The following OR56A3 variants were observed in gnomAD, a reference collection of about 807,000 sequenced individuals.
OR56A3 encodes olfactory receptor 56A3.
A neutral mutation model predicts 17.5 loss-of-function variants in OR56A3; 23 were observed. The ratio of observed to expected loss-of-function variants is 1.32; its 90% CI spans 0.95 to 1.87. The LOEUF (loss-of-function observed/expected upper bound fraction) is 1.87, where lower values mean the gene tolerates loss of function less well. Among genes scored for constraint, OR56A3 ranks in the 40% most tolerant of loss-of-function variants. OR56A3 has a pLI of 0.00. For missense variants in OR56A3, 366 were observed against 380.1 expected (o/e 0.96, Z 0.31); for synonymous variants, 175 against 150.6 (o/e 1.16, Z -1.19).
chr11:5,975,380 C>A, the OR56A3 span, among the ~76,000 whole-genome samples: 1 of 131,272 alleles, frequency 7.6e-6, no homozygotes, highest in Non-Finnish European at 1.6e-5. Flanking sequence ...ACAACAGTCC[C>A]CAGTGTGTGA....
chr11:5,968,158 T>C, the OR56A3 span: 1 of 1,614,198 alleles, frequency 6.2e-7, no homozygotes, highest in Non-Finnish European at 8.5e-7. Flanking sequence ...CAGGACTCCA[T>C]AGTCAGAAAA....
the OR56A3 span, among the ~76,000 whole-genome samples, chr11:5,968,803 T>G: frequency 1.3e-5 from 2 of 152,104 alleles, no homozygotes; most frequent in South Asian, 4.2e-4. Context: ...AAATTCCAAA[T>G]TATACTGACA....
the OR56A3 span, chr11:5,994,600 G>T: frequency 1.3e-6 from 1 of 798,614 alleles, no homozygotes; most frequent in South Asian, 1.3e-5. Context: ...TGTCATCAAT[G>T]ACCTTGTGGA....
At chr11:5,960,513 G>A in the OR56A3 span, among the ~76,000 whole-genome samples, 1 of 152,194 alleles carries the variant, frequency 6.6e-6, no homozygotes, top group African/African-American at 2.4e-5. Context: ...TGCCAGCCTC[G>A]GCCTCCCGAG....
chr11:5,957,324 T>A, the OR56A3 span, among the ~76,000 whole-genome samples: 1 of 152,224 alleles, frequency 6.6e-6, no homozygotes, highest in Admixed American at 6.5e-5. Context: ...TATACATCAT[T>A]CCATGTGTCA....
chr11:5,960,173 T>A, the OR56A3 span, among the ~76,000 whole-genome samples: 1,042 of 152,298 alleles, frequency 6.8e-3, 12 homozygotes, highest in African/African-American at 0.024. Context: ...CATATGAATT[T>A]TAGAATTTTC....
the OR56A3 span, among the ~76,000 whole-genome samples, chr11:5,974,341 G>A: frequency 6.6e-6 from 1 of 151,982 alleles, no homozygotes; most frequent in African/African-American, 2.4e-5. Flanking sequence ...TCCTGACCTC[G>A]TGATCCGCCC....
At chr11:5,990,186 T>C in the OR56A3 span, among the ~76,000 whole-genome samples, 3 of 152,212 alleles carry the variant, frequency 2.0e-5, no homozygotes, top group African/African-American at 7.2e-5. Context: ...ATCCGGAATC[T>C]AGTGAGTAAT....
At chr11:5,974,351 C>T in the OR56A3 span, among the ~76,000 whole-genome samples, 1 of 152,028 alleles carries the variant, frequency 6.6e-6, no homozygotes, top group South Asian at 2.1e-4. Context: ...GTGATCCGCC[C>T]GCCTCGGCCT....
chr11:5,982,436 G>T, the OR56A3 span, among the ~76,000 whole-genome samples: 2 of 152,186 alleles, frequency 1.3e-5, no homozygotes, highest in Admixed American at 6.5e-5. Context: ...GGTGGAGTCT[G>T]CTAGTGAAGG....
the OR56A3 span, among the ~76,000 whole-genome samples, chr11:6,016,034 C>T: frequency 1.3e-5 from 2 of 152,052 alleles, no homozygotes; most frequent in East Asian, 3.9e-4. Flanking sequence ...ATTGTAATCT[C>T]CAATGTTGGA....
At chr11:6,008,737 C>G in the OR56A3 span, among the ~76,000 whole-genome samples, 6 of 152,074 alleles carry the variant, frequency 3.9e-5, no homozygotes, top group African/African-American at 1.4e-4. Context: ...TTACTAAGCC[C>G]TATACTACAT....
the OR56A3 span, among the ~76,000 whole-genome samples, chr11:5,961,879 A>T: frequency 6.6e-6 from 1 of 151,738 alleles, no homozygotes; most frequent in Non-Finnish European, 1.5e-5. Context: ...TCCAATTTGC[A>T]TGCCTTTTAT....
chr11:6,014,699 T>G, the OR56A3 span, among the ~76,000 whole-genome samples: 107,102 of 151,964 alleles, frequency 0.7, 38,027 homozygotes, highest in East Asian at 0.94. Flanking sequence ...GAAGATGAGG[T>G]AAAGTTTGGA....
At chr11:6,014,989 C>CAAAAAAAAAAAAAAAAAAAA in the OR56A3 span, among the ~76,000 whole-genome samples, 11 of 35,200 alleles carry the variant, frequency 3.1e-4, 1 homozygote, top group East Asian at 2.8e-3. Flanking sequence ...TATTCATGGG[C>CAAAAAAAAAAAAAAAAAAAA]AAAAAAAAAA....
chr11:6,021,682 A>G, the OR56A3 span: 7 of 152,102 alleles, frequency 4.6e-5, no homozygotes, highest in Non-Finnish European at 1.0e-4. Flanking sequence ...CATTTAGGAT[A>G]ATGGGAACAT....
the OR56A3 span, among the ~76,000 whole-genome samples, chr11:5,961,052 G>A: frequency 2.6e-5 from 4 of 151,798 alleles, no homozygotes. Flanking sequence ...TGGGAATTGG[G>A]GAGCCCCTCC....
At chr11:5,971,056 G>T in the OR56A3 span, among the ~76,000 whole-genome samples, 1 of 152,198 alleles carries the variant, frequency 6.6e-6, no homozygotes, top group East Asian at 1.9e-4. Flanking sequence ...TGAGCTGTGG[G>T]CCAGAGGTAG....
rs1847858389 is a variant in OR56A3, at chr11:5,944,820, G to T, written c.-299G>T. 1 of 152,176 alleles carries T rather than the reference G, an allele frequency of 6.6e-6. No individual in the cohort carries two copies. 9.4% of individuals were successfully genotyped at this position (152,176 alleles called of 1,614,324 possible). ...ATTATTTACAGGAGAAAAGAATTGG[G>T]AGAATATCTAAATCTCTTCTATATA... On this transcript the variant is annotated 5_prime_UTR_variant, in exon 2 of 3. Transcript: ENST00000641160.
Sources: allele counts gnomAD v4.1 joint callset (sites outside exome capture counted in the v4.1 genomes callset), GRCh38; gene constraint gnomAD v4.1.1; transcripts MANE v1.5; gene names NCBI Gene and HGNC (gene_info 2026-07-23, HGNC 2026-07-21).